GABRB1: variants seen among roughly 807,000 people sequenced by gnomAD.
The protein encoded by GABRB1 is gamma-aminobutyric acid type A receptor subunit beta1.
A neutral mutation model predicts 51.6 loss-of-function variants in GABRB1; 17 were observed. The ratio of observed to expected loss-of-function variants is 0.33; its 90% CI spans 0.23 to 0.49. The LOEUF is 0.49. Among genes scored for constraint, GABRB1 ranks in the 20% least tolerant of loss-of-function variants. GABRB1 has a pLI of 0.99. For missense variants in GABRB1, 410 were observed against 600.6 expected (o/e 0.68, Z 3.32); for synonymous variants, 247 against 218.9 (o/e 1.13, Z -1.14).
intron 3 of GABRB1, among the ~76,000 whole-genome samples, chr4:47,160,895 T>C (rs1332132178): frequency 6.6e-6 from 1 of 152,064 alleles, no homozygotes; most frequent in Non-Finnish European, 1.5e-5. Flanking sequence ...CAAGAGATCC[T>C]GCTACATCAG....
intron 4 of GABRB1, among the ~76,000 whole-genome samples, chr4:47,279,317 A>G (rs1723193104): frequency 6.6e-6 from 1 of 152,182 alleles, no homozygotes; most frequent in African/African-American, 2.4e-5. Flanking sequence ...GAGTGAAATC[A>G]ATTTAGCAGG....
intron 5 of GABRB1, among the ~76,000 whole-genome samples, chr4:47,378,219 C>A (rs543313464): frequency 2.6e-5 from 4 of 152,204 alleles, no homozygotes; most frequent in Non-Finnish European, 5.9e-5. Context: ...TAAGGCCTGG[C>A]GAGAAATCGA....
intron 4 of GABRB1, among the ~76,000 whole-genome samples, chr4:47,262,450 T>C (rs1224583482): frequency 6.6e-6 from 1 of 152,094 alleles, no homozygotes; most frequent in Non-Finnish European, 1.5e-5. Flanking sequence ...AAAATGCTCA[T>C]CATCACTGGC....
At chr4:46,999,195 G>A (rs1263209046) in intron 1 of GABRB1, among the ~76,000 whole-genome samples, 13 of 152,238 alleles carry the variant, frequency 8.5e-5, no homozygotes, top group African/African-American at 2.6e-4. Context: ...TGTAAATACT[G>A]GAGGTATGAT....
intron 4 of GABRB1, among the ~76,000 whole-genome samples, chr4:47,214,227 G>A (rs151312992): frequency 1.3e-3 from 204 of 152,236 alleles, no homozygotes; most frequent in African/African-American, 4.6e-3. Flanking sequence ...GATTCATCAG[G>A]TCTTGGGCCA....
At chr4:47,250,042 G>A (rs1200365601) in intron 4 of GABRB1, among the ~76,000 whole-genome samples, 1 of 152,002 alleles carries the variant, frequency 6.6e-6, no homozygotes, top group Non-Finnish European at 1.5e-5. Flanking sequence ...TTGTTTTATA[G>A]GTCTTGTGTG....
intron 3 of GABRB1, among the ~76,000 whole-genome samples, chr4:47,037,859 T>C (rs1413443267): frequency 6.6e-6 from 1 of 152,150 alleles, no homozygotes; most frequent in Non-Finnish European, 1.5e-5. Flanking sequence ...TTAGGTTAAA[T>C]ACCTTACTCA....
At chr4:47,062,124 G>A (rs1726868124) in intron 3 of GABRB1, among the ~76,000 whole-genome samples, 1 of 152,066 alleles carries the variant, frequency 6.6e-6, no homozygotes, top group African/African-American at 2.4e-5. Flanking sequence ...ATGTGACACA[G>A]CTGATAGGAT....
At chr4:47,333,392 T>C (rs971705498) in intron 5 of GABRB1, among the ~76,000 whole-genome samples, 1 of 151,912 alleles carries the variant, frequency 6.6e-6, no homozygotes, top group Non-Finnish European at 1.5e-5. Context: ...TTAAAATGTA[T>C]GTTTGAATGA....
intron 5 of GABRB1, among the ~76,000 whole-genome samples, chr4:47,355,324 T>C (rs181136770): frequency 6.6e-6 from 1 of 152,052 alleles, no homozygotes; most frequent in East Asian, 1.9e-4. Flanking sequence ...CTTTTTTTTT[T>C]AATTATACTT....
chr4:47,232,063 G>T (rs966659603), intron 4 of GABRB1, among the ~76,000 whole-genome samples: 1 of 152,108 alleles, frequency 6.6e-6, no homozygotes, highest in African/African-American at 2.4e-5. Context: ...CTTCAAATTT[G>T]TGATGTATCC....
intron 4 of GABRB1, among the ~76,000 whole-genome samples, chr4:47,259,761 C>A (rs1021767738): frequency 9.9e-5 from 15 of 152,146 alleles, no homozygotes; most frequent in Non-Finnish European, 1.9e-4. Flanking sequence ...GACATGAGTA[C>A]TTTCTTTGGT....
At chr4:47,119,752 G>C (rs1715681646) in intron 3 of GABRB1, among the ~76,000 whole-genome samples, 1 of 151,986 alleles carries the variant, frequency 6.6e-6, no homozygotes, top group Non-Finnish European at 1.5e-5. Flanking sequence ...CAGGTGATCT[G>C]CCCACCTCGG....
At chr4:47,344,817 G>C (rs1052072381) in intron 5 of GABRB1, among the ~76,000 whole-genome samples, 1 of 152,106 alleles carries the variant, frequency 6.6e-6, no homozygotes, top group African/African-American at 2.4e-5. Context: ...CTGCCTCCCA[G>C]GTTCAAGCGA....
At chr4:47,424,275 G>A (rs1729190434) in intron 8 of GABRB1, among the ~76,000 whole-genome samples, 1 of 152,218 alleles carries the variant, frequency 6.6e-6, no homozygotes, top group Non-Finnish European at 1.5e-5. Flanking sequence ...ATCAGGGCTG[G>A]CACTTACTAG....
In GABRB1 at chr4:47,059,031, C is replaced by T. The variant is rs1486140882; in HGVS notation, c.240+26547C>T. Among the ~76,000 whole-genome samples the T allele has an allele frequency of 2.6e-5, 4 of 152,286 alleles. No homozygotes were observed. In the East Asian group the frequency reaches 5.8e-4, roughly 22 times the overall value. On this transcript the variant is annotated intron_variant, in intron 3 of 8. Transcript: ENST00000295454. Reference sequence around the variant, plus strand: ...ATAGTCAATGAGAAGATTTCAATGTCAAATTTTGCATCTAATTTATCATGG... The same window carrying T: ...ATAGTCAATGAGAAGATTTCAATGTTAAATTTTGCATCTAATTTATCATGG...
intron 1 of GABRB1, among the ~76,000 whole-genome samples, chr4:47,003,758 C>T (rs1724298542): frequency 6.6e-6 from 1 of 152,184 alleles, no homozygotes; most frequent in African/African-American, 2.4e-5. Flanking sequence ...TCCCAGTCTT[C>T]TGACTCTTCC....
chr4:47,179,024 G>T (rs1211854476), intron 4 of GABRB1, among the ~76,000 whole-genome samples: 4 of 151,870 alleles, frequency 2.6e-5, no homozygotes, highest in African/African-American at 9.7e-5. Context: ...ATGCAGGTTT[G>T]TTACATAGGT....
chr4:47,295,831 G>A lies in GABRB1; in HGVS notation c.462-24296G>A, dbSNP rs1723966637. On this transcript the variant is annotated intron_variant, in intron 4 of 8. Transcript: ENST00000295454. ...TCAGATTCACCAAAGTTGAAATGAA[G>A]GAAAAAATGTTAAGGGTAGCCAGAG... Among the ~76,000 whole-genome samples, 5 of 152,196 alleles carry A rather than the reference G, an allele frequency of 3.3e-5. No homozygotes were observed. In the South Asian group the frequency reaches 1.0e-3, roughly 32 times the overall value.
Sources: allele counts gnomAD v4.1 joint callset (sites outside exome capture counted in the v4.1 genomes callset), GRCh38; gene constraint gnomAD v4.1.1; transcripts MANE v1.5; gene names NCBI Gene and HGNC (gene_info 2026-07-23, HGNC 2026-07-21).